HOMER2: variants seen among roughly 807,000 people sequenced by gnomAD.
HOMER2 encodes homer scaffold protein 2.
Under a neutral mutation model 47.0 loss-of-function variants are expected in HOMER2, and 27 were observed. That is an observed-to-expected ratio of 0.57 (90% confidence interval 0.42 to 0.79). The LOEUF (loss-of-function observed/expected upper bound fraction) is 0.79, where lower values mean the gene tolerates loss of function less well. Among genes scored for constraint, HOMER2 ranks in the 30% least tolerant of loss-of-function variants. HOMER2 has a pLI of 0.00. For synonymous variants in HOMER2, 161 were observed against 163.8 expected (o/e 0.98, Z 0.13); for missense variants, 443 against 435.0 (o/e 1.02, Z -0.16).
chr15:82,939,103 G>A (rs944626705), intron 1 of HOMER2, among the ~76,000 whole-genome samples: 3 of 152,194 alleles, frequency 2.0e-5, no homozygotes, highest in Non-Finnish European at 4.4e-5. Flanking sequence ...GAGTGTTAGA[G>A]CTGAATTTAT....
At chr15:82,959,492 C>T (rs926414346) in intron 1 of HOMER2, among the ~76,000 whole-genome samples, 3 of 152,154 alleles carry the variant, frequency 2.0e-5, no homozygotes, top group African/African-American at 7.2e-5. Context: ...CTTGAAAGGG[C>T]CGGTCTGGAG....
At chr15:82,836,446 T>C (rs2051128041), downstream of HOMER2, among the ~76,000 whole-genome samples, 1 of 152,258 alleles carries the variant, frequency 6.6e-6, no homozygotes, top group Admixed American at 6.5e-5. Context: ...AGCAATACCA[T>C]GCTGCTTCCT....
downstream of HOMER2, chr15:82,846,764 G>A (rs1038428912): frequency 1.3e-5 from 2 of 152,160 alleles, no homozygotes; most frequent in Non-Finnish European, 2.9e-5. Flanking sequence ...GTGGATACTG[G>A]TTCTCTTTCC....
chr15:82,849,615 T>G lies in HOMER2; in HGVS notation c.*100A>C. 7 of 1,031,066 alleles carry G rather than the reference T, an allele frequency of 6.8e-6. No homozygotes were observed. Among genetic ancestry groups the G allele is most frequent in the Non-Finnish European group, 9.7e-6 (7 of 721,642 alleles). The allele number at this position is 1,031,066 out of a possible 1,614,324, so 63.9% of individuals were successfully genotyped here. On this transcript the variant is annotated 3_prime_UTR_variant, in exon 9 of 9. Coordinates refer to ENST00000450735, the MANE Select transcript of HOMER2 (RefSeq NM_004839.4). ...GTTTGGAAACACGACAAACTGCGCCTGCATTTACAGAAGCAATGCACACAG... is the reference window on the plus strand; with the variant it reads ...GTTTGGAAACACGACAAACTGCGCCGGCATTTACAGAAGCAATGCACACAG...
chr15:82,891,745 T>C (rs536648360), intron 2 of HOMER2, among the ~76,000 whole-genome samples: 1 of 152,178 alleles, frequency 6.6e-6, no homozygotes, highest in Non-Finnish European at 1.5e-5. Flanking sequence ...ACAAGAGTTA[T>C]GGTCTTAAAA....
At chr15:82,907,367 A>AAAGAG (rs1230470443) in intron 1 of HOMER2, among the ~76,000 whole-genome samples, 118 of 151,958 alleles carry the variant, frequency 7.8e-4, no homozygotes, top group African/African-American at 2.3e-3. Context: ...AAAGAAAAGA[A>AAAGAG]AAGAGAAGAG....
intron 1 of HOMER2, among the ~76,000 whole-genome samples, chr15:82,934,867 A>G (rs2054106181): frequency 1.3e-5 from 2 of 152,092 alleles, no homozygotes; most frequent in Admixed American, 1.3e-4. Context: ...ACAATTTCAC[A>G]TCACCTTCTC....
chr15:82,876,025 T>C (rs2052338464), intron 2 of HOMER2, among the ~76,000 whole-genome samples: 1 of 151,918 alleles, frequency 6.6e-6, no homozygotes, highest in Non-Finnish European at 1.5e-5. Flanking sequence ...CCTAAAAGAA[T>C]GAGGGGATGG....
chr15:82,860,352 A>G (rs1191671134), intron 4 of HOMER2, among the ~76,000 whole-genome samples: 2 of 151,990 alleles, frequency 1.3e-5, no homozygotes, highest in Non-Finnish European at 2.9e-5. Flanking sequence ...AACATCTGGC[A>G]TTTGCTTTAA....
At chr15:82,909,150 A>G (rs149801614) in intron 1 of HOMER2, among the ~76,000 whole-genome samples, 23 of 152,332 alleles carry the variant, frequency 1.5e-4, no homozygotes, top group African/African-American at 5.5e-4. Context: ...GTTCAAGATC[A>G]TTCAGGTTGA....
At chr15:82,858,287 CT>C (rs368230707) in intron 5 of HOMER2, among the ~76,000 whole-genome samples, 63 of 148,308 alleles carry the variant, frequency 4.2e-4, no homozygotes, top group Admixed American at 4.7e-4. Flanking sequence ...GTTCAAAATT[CT>C]TTTTTTTTTC....
At chr15:82,894,723 T>C (rs1186302477) in intron 1 of HOMER2, among the ~76,000 whole-genome samples, 3 of 149,426 alleles carry the variant, frequency 2.0e-5, no homozygotes, top group Admixed American at 6.7e-5. Flanking sequence ...ACAGATTTAA[T>C]AAGTACTTAT....
upstream of HOMER2, among the ~76,000 whole-genome samples, chr15:82,953,224 C>A (rs978844160): frequency 3.3e-5 from 5 of 152,048 alleles, no homozygotes; most frequent in African/African-American, 4.8e-5. Flanking sequence ...TTAAGGTACC[C>A]GCCACCGTGA....
In HOMER2 at chr15:82,928,940, T is replaced by TAA; in HGVS notation, c.5+23589_5+23590dup. ...TAACAACTGGCAAAAAAATAAAAAC[T>TAA]AAAAAAAAAAAAAAAAAAAAGCTGT... On this transcript the variant is annotated intron_variant, in intron 1 of 8. Coordinates refer to ENST00000450735, the MANE Select transcript of HOMER2 (RefSeq NM_004839.4). Among the ~76,000 whole-genome samples, 320 of 39,908 alleles carry TAA rather than the reference T, an allele frequency of 8.0e-3. 32 individuals are homozygous for TAA. The highest frequency in any genetic ancestry group is 0.016 in the South Asian group (21 of 1,302). 26.2% of individuals were successfully genotyped at this position (39,908 alleles called of 152,430 possible).
chr15:82,961,038 G>A (rs993238585), intron 1 of HOMER2, among the ~76,000 whole-genome samples: 1 of 152,214 alleles, frequency 6.6e-6, no homozygotes, highest in Non-Finnish European at 1.5e-5. Flanking sequence ...GGGCAGAGAT[G>A]CCTTATCTGG....
intron 1 of HOMER2, among the ~76,000 whole-genome samples, chr15:82,978,593 T>C (rs1199906275): frequency 3.3e-5 from 5 of 152,202 alleles, no homozygotes; most frequent in Admixed American, 6.5e-5. Context: ...GGTTTGGCTG[T>C]GCCACCACCC....
intron 1 of HOMER2, among the ~76,000 whole-genome samples, chr15:82,984,041 T>A (rs149273718): frequency 0.036 from 5,467 of 151,438 alleles, 236 homozygotes; most frequent in African/African-American, 0.1. Flanking sequence ...TATTATTTTT[T>A]TTTTTTTTTG....
intron 3 of HOMER2, among the ~76,000 whole-genome samples, chr15:82,869,637 T>TA (rs1449591171): frequency 6.6e-6 from 1 of 151,936 alleles, no homozygotes; most frequent in Non-Finnish European, 1.5e-5. Flanking sequence ...TTTGTATTTT[T>TA]AGAGGAGACA....
chr15:82,916,461 G>A (rs1481251182), intron 1 of HOMER2, among the ~76,000 whole-genome samples: 1 of 152,106 alleles, frequency 6.6e-6, no homozygotes, highest in African/African-American at 2.4e-5. Flanking sequence ...CCTAAAGCAA[G>A]GGTCTTCCGA....
Sources: allele counts gnomAD v4.1 joint callset (sites outside exome capture counted in the v4.1 genomes callset), GRCh38; gene constraint gnomAD v4.1.1; transcripts MANE v1.5; gene names NCBI Gene and HGNC (gene_info 2026-07-23, HGNC 2026-07-21).